PTPRN2: variants seen among roughly 807,000 people sequenced by gnomAD.
PTPRN2 encodes the protein receptor-type tyrosine-protein phosphatase N2.
Under a neutral mutation model 118.8 loss-of-function variants are expected in PTPRN2, and 74 were observed. That is an observed-to-expected ratio of 0.62 (90% CI 0.52 to 0.76). The LOEUF is 0.76. Among genes scored for constraint, PTPRN2 ranks in the 30% least tolerant of loss-of-function variants. The pLI, the probability that PTPRN2 is intolerant of heterozygous loss-of-function variation, is 0.00. For missense variants in PTPRN2, 1,481 were observed against 1,394.4 expected (o/e 1.06, Z -0.99); for synonymous variants, 641 against 608.0 (o/e 1.05, Z -0.80).
intron 20 of PTPRN2, 121 bp downstream of exon 20, chr7:157,571,319 T>C: frequency 2.6e-6 from 2 of 779,144 alleles, no homozygotes; most frequent in Non-Finnish European, 4.1e-6. Flanking sequence ...TTTGGTTTCC[T>C]TTAGAAGTGC....
At chr7:157,571,782 G>A (rs961054334) in intron 19 of PTPRN2, among the ~76,000 whole-genome samples, 9 of 152,146 alleles carry the variant, frequency 5.9e-5, no homozygotes, top group Admixed American at 2.6e-4. Context: ...TGTCCTGCCC[G>A]TCCCACCCCT....
chr7:158,321,947 A>C (rs1403199453), intron 2 of PTPRN2, among the ~76,000 whole-genome samples: 1 of 152,218 alleles, frequency 6.6e-6, no homozygotes, highest in Non-Finnish European at 1.5e-5. Flanking sequence ...TCCGGCAAAC[A>C]GACACTGCCC....
At chr7:158,305,641 A>C (rs1801226444) in intron 3 of PTPRN2, among the ~76,000 whole-genome samples, 1 of 152,220 alleles carries the variant, frequency 6.6e-6, no homozygotes, top group African/African-American at 2.4e-5. Flanking sequence ...AGCCTTAGGA[A>C]GTAGCTGTAG....
chr7:157,613,813 C>A (rs1290430635), intron 15 of PTPRN2, among the ~76,000 whole-genome samples: 1 of 152,200 alleles, frequency 6.6e-6, no homozygotes, highest in Non-Finnish European at 1.5e-5. Context: ...GCGCAGGGGT[C>A]CCGAGGGCAC....
At chr7:157,949,244 GT>G (rs1466055052) in intron 11 of PTPRN2, among the ~76,000 whole-genome samples, 2 of 152,212 alleles carry the variant, frequency 1.3e-5, no homozygotes, top group Non-Finnish European at 2.9e-5. Context: ...TTTTGGGATG[GT>G]GAAAATGTTA....
In PTPRN2 at chr7:158,022,149, G is replaced by C. The variant is rs1026191228; in HGVS notation, c.1723+59149C>G. On this transcript the variant is annotated intron_variant, in intron 11 of 22. Coordinates refer to ENST00000389418, the MANE Select transcript of PTPRN2 (RefSeq NM_002847.5). This position sits in a 1 kb window ranked among gnomAD's most constrained non-coding sequence, Gnocchi z 4.6. ...TCCCAGCCAAGTGCATCCTCTGCTT[G>C]TCAGCAGCTTCCACAGACATGGTGA... Among the ~76,000 whole-genome samples the C allele has an allele frequency of 2.0e-5, 3 of 152,190 alleles. No individual in the cohort carries two copies. Among genetic ancestry groups the C allele is most frequent in the Non-Finnish European group, 4.4e-5 (3 of 68,042 alleles).
chr7:158,494,984 G>C (rs899411300), intron 1 of PTPRN2, among the ~76,000 whole-genome samples: 1 of 152,006 alleles, frequency 6.6e-6, no homozygotes, highest in African/African-American at 2.4e-5. Context: ...CGCCCAATCC[G>C]ACCCTGTTAC....
At chr7:158,377,983 C>A (rs902799816) in intron 2 of PTPRN2, among the ~76,000 whole-genome samples, 5 of 152,128 alleles carry the variant, frequency 3.3e-5, no homozygotes, top group African/African-American at 4.8e-5. Context: ...CCAGTCCTGG[C>A]GCTAGCTCCG....
At chr7:157,772,116 GACATAC>G (rs1481195105) in intron 12 of PTPRN2, among the ~76,000 whole-genome samples, 2 of 141,946 alleles carry the variant, frequency 1.4e-5, no homozygotes, top group African/African-American at 5.3e-5. Flanking sequence ...CACACACACA[GACATAC>G]ACATACACAG....
chr7:157,682,525 G>A (rs779770341), intron 13 of PTPRN2, among the ~76,000 whole-genome samples, 200 bp downstream of exon 13: 5 of 152,094 alleles, frequency 3.3e-5, no homozygotes, highest in African/African-American at 9.7e-5. Context: ...AAGAGCAGAC[G>A]GATACAGAGC....
intron 2 of PTPRN2, among the ~76,000 whole-genome samples, chr7:158,471,119 C>A (rs1404503268): frequency 1.3e-5 from 2 of 152,200 alleles, no homozygotes; most frequent in African/African-American, 4.8e-5. Flanking sequence ...TCCTGTCCAA[C>A]CTCACAGTGC....
At chr7:158,309,837 T>A (rs1319019363) in intron 3 of PTPRN2, among the ~76,000 whole-genome samples, 1 of 152,210 alleles carries the variant, frequency 6.6e-6, no homozygotes, top group Non-Finnish European at 1.5e-5. Context: ...ACGTACGTGC[T>A]GGAATTCTGA....
chr7:157,696,955 G>A (rs113782242), intron 12 of PTPRN2, among the ~76,000 whole-genome samples: 2 of 114,094 alleles, frequency 1.8e-5, no homozygotes, highest in Non-Finnish European at 3.7e-5. Flanking sequence ...CTGGGTCTTG[G>A]CAGAGCCCTC....
At chr7:158,177,172 T>C (rs1236695418) in intron 5 of PTPRN2, among the ~76,000 whole-genome samples, 3 of 152,188 alleles carry the variant, frequency 2.0e-5, no homozygotes, top group Non-Finnish European at 4.4e-5. Context: ...TTAAGCAGCT[T>C]CCAAATACAG....
intron 14 of PTPRN2, among the ~76,000 whole-genome samples, chr7:157,637,793 C>T (rs1443944765): frequency 1.3e-5 from 2 of 152,208 alleles, no homozygotes; most frequent in Non-Finnish European, 1.5e-5. Context: ...CAGCTTCTCC[C>T]GCTCCCAAGT....
intron 2 of PTPRN2, among the ~76,000 whole-genome samples, chr7:158,341,149 G>A (rs1375698770): frequency 2.7e-4 from 36 of 132,884 alleles, no homozygotes; most frequent in Middle Eastern, 4.0e-3. Flanking sequence ...CTCACCATAA[G>A]AGCTGACGCC....
intron 10 of PTPRN2, among the ~76,000 whole-genome samples, chr7:158,098,982 TCCCGGCTGCCTCCCCTTCCTCC>T (rs1336076269): frequency 1.2e-4 from 4 of 34,630 alleles, no homozygotes; most frequent in East Asian, 5.4e-4. Flanking sequence ...GGGTTCCGCA[TCCCGGCTGCCTCCCCTTCCTCC>T]CCCAACACAT....
intron 3 of PTPRN2, among the ~76,000 whole-genome samples, chr7:158,218,091 A>G (rs1010522160): frequency 6.6e-5 from 10 of 152,104 alleles, no homozygotes; most frequent in African/African-American, 2.4e-4. Context: ...AATTCAGAAA[A>G]CCCCTGTGAG....
intron 14 of PTPRN2, among the ~76,000 whole-genome samples, chr7:157,631,698 G>T (rs768510969): frequency 1.3e-5 from 2 of 152,212 alleles, no homozygotes; most frequent in Non-Finnish European, 2.9e-5. Flanking sequence ...CAGGCGTGGT[G>T]GTGGGCACCT....
Sources: gnomAD v4.1 joint callset for allele counts (sites outside exome capture counted in the v4.1 genomes callset) on GRCh38, gnomAD v4.1.1 for gene constraint, Gnocchi (gnomAD v3.1) non-coding constraint, MANE v1.5 for transcripts, NCBI Gene and HGNC (gene_info 2026-07-23, HGNC 2026-07-21) for gene names.